Variants in REM2 observed in about 807,000 individuals in gnomAD.
The protein encoded by REM2 is RRAD and GEM like GTPase 2.
A neutral mutation model predicts 24.4 loss-of-function variants in REM2; 24 were observed. That is an observed-to-expected ratio of 0.98 (90% CI 0.71 to 1.38). The LOEUF is 1.38. Among genes scored for constraint, REM2 ranks in the 40% most tolerant of loss-of-function variants. The pLI is 0.00. For missense variants in REM2, 429 were observed against 467.8 expected (o/e 0.92, Z 0.77); for synonymous variants, 187 against 198.0 (o/e 0.94, Z 0.47).
At position 22,884,692 on chromosome 14, in the gene REM2, T is replaced by A. The variant is rs1405468374; in HGVS notation, c.122T>A (p.Leu41Gln). The A allele has an allele frequency of 3.7e-6, 6 of 1,608,080 alleles. No homozygotes were observed. The highest frequency in any genetic ancestry group is 5.1e-6 in the Non-Finnish European group (6 of 1,177,402). Residue 41 changes from leucine to glutamine, a missense_variant, in exon 2 of 5, where the codon CTA (leucine) becomes CAA (glutamine). Coordinates refer to ENST00000267396, the MANE Select transcript of REM2 (RefSeq NM_173527.3). ...TPTPEADATL[L>Q]KKSEKLLAEL... The stretch of plus-strand genomic sequence containing the variant: ...ATTTTAGAAGCAGATGCCACGCTAC[T>A]AAAGAAGTCAGAGAAACTGTTGGCA...
chr14:22,886,649 C>A lies in REM2; in HGVS notation c.763C>A (p.His255Asn), dbSNP rs1378056511. The A allele has an allele frequency of 1.4e-6, 2 of 1,460,616 alleles. No homozygotes were observed. The highest frequency in any genetic ancestry group is 2.9e-5 in the South Asian group (2 of 69,332). 90.5% of individuals were successfully genotyped at this position (1,460,616 alleles called of 1,614,324 possible). The change falls in exon 5 of 5, where the codon CAC (histidine) becomes AAC (asparagine). Residue 255 changes from histidine to asparagine, a missense_variant. Transcript: ENST00000267396. This position sits in a 1 kb window ranked among gnomAD's most constrained non-coding sequence, Gnocchi z 5.9. ...CCTGGCCGGGACGCTGAGCTGCAAG[C>A]ACATCGAGACGTCGGCCGCACTGCA... ...RHLAGTLSCKHIETSAALHHN... is the reference protein window; with the variant it reads ...RHLAGTLSCKNIETSAALHHN...
Position 22,886,546 on chromosome 14 carries a change from C to A in REM2, c.728-68C>A. 7.2e-7 allele frequency: 1 copy of A among 1,393,502 alleles called. No homozygotes were observed. The highest frequency in any genetic ancestry group is 9.5e-7 in the Non-Finnish European group (1 of 1,056,622). The allele number at this position is 1,393,502 out of a possible 1,614,324, so 86.3% of individuals were successfully genotyped here. A position where few individuals can be genotyped will look rare whatever the true frequency, so the allele number is the denominator to read the frequency against. On this transcript the variant is annotated intron_variant, in intron 4 of 4. Coordinates refer to ENST00000267396, the MANE Select transcript of REM2 (RefSeq NM_173527.3). The surrounding 1 kb of genome is among the most constrained non-coding windows in gnomAD (Gnocchi z 5.9). ...CCTTGCCACCGCACGCCCAGGCCCTCCCTAGACCCACCCTCGCCCCGGGTC... is the reference window on the plus strand; with the variant it reads ...CCTTGCCACCGCACGCCCAGGCCCTACCTAGACCCACCCTCGCCCCGGGTC...
At position 22,885,338 on chromosome 14, in the gene REM2, AGGTGAGAACTAAGATGT is replaced by A; in HGVS notation, c.519+2_519+18del. ...CTAGTCGTTTATGACATCTGGGAAC[AGGTGAGAACTAAGATGT>A]GGCTGCAGGCAGGTGATGAAGCTGG... On this transcript the variant is annotated splice_donor_variant and splice_donor_5th_base_variant and coding_sequence_variant and intron_variant, in exon 3 of 5. Transcript: ENST00000267396. LOFTEE classifies it high-confidence loss of function. 10 of 1,610,740 alleles carry A rather than the reference AGGTGAGAACTAAGATGT, an allele frequency of 6.2e-6. No individual in the cohort carries two copies. The highest frequency in any genetic ancestry group is 7.6e-6 in the Non-Finnish European group (9 of 1,176,904).
intron 2 of REM2, 40 bp downstream of exon 2, chr14:22,885,055 G>C (rs780174071): frequency 1.3e-6 from 2 of 1,514,806 alleles, no homozygotes; most frequent in Non-Finnish European, 1.8e-6. Flanking sequence ...GGGGCTCTGG[G>C]GCCCTGGTCA....
chr14:22,884,015 A>G (rs778008432), intron 1 of REM2: 5 of 984,866 alleles, frequency 5.1e-6, no homozygotes, highest in Non-Finnish European at 6.0e-6. Context: ...CTCACATCCA[A>G]CCACGCAATG....
rs769826661 is a variant in REM2, at chr14:22,885,283, C to T, written c.463C>T (p.Arg155Cys). ...CCCAGCAGAGGATACCTATGAGAGA[C>T]GCATCATGGTGGATAAGGAGGAAGT... ...PENPEDTYER[R>C]IMVDKEEVTL... is the part of the protein sequence containing the mutation. Residue 155 changes from arginine to cysteine, a missense_variant, in exon 3 of 5, where the codon CGC becomes TGC. By Grantham distance (180) the Arg-to-Cys change is radical. Coordinates refer to ENST00000267396, the MANE Select transcript of REM2 (RefSeq NM_173527.3). The T allele has an allele frequency of 1.4e-5, 23 of 1,613,324 alleles. No homozygotes were observed. Among genetic ancestry groups the T allele is most frequent in the African/African-American group, 2.7e-5 (2 of 74,864 alleles).
chr14:22,886,288 A>T lies in REM2; in HGVS notation c.727+57A>T. ...ATCTCAGGGGAATGCTCTCCCTTCCAAGTCACCTCTTCTCCCTAAGGCCTT... is the reference window on the plus strand; with the variant it reads ...ATCTCAGGGGAATGCTCTCCCTTCCTAGTCACCTCTTCTCCCTAAGGCCTT... On this transcript the variant is annotated intron_variant, in intron 4 of 4. Transcript: ENST00000267396. The surrounding 1 kb of genome is among the most constrained non-coding windows in gnomAD (Gnocchi z 5.9). 6.8e-7 allele frequency: 1 copy of T among 1,472,548 alleles called. No individual in the cohort carries two copies. Among genetic ancestry groups the T allele is most frequent in the Non-Finnish European group, 9.3e-7 (1 of 1,071,814 alleles). 91.2% of individuals were successfully genotyped at this position (1,472,548 alleles called of 1,614,324 possible).
Position 22,886,966 on chromosome 14 carries a change from C to G in REM2, c.*57C>G, listed in dbSNP as rs955060798. The stretch of plus-strand genomic sequence containing the variant: ...TGGTCACCGCGCCCTCCGCTCGCCC[C>G]CCCTCGCCCCGCCCCGCCCCCGTCC... On this transcript the variant is annotated 3_prime_UTR_variant, in exon 5 of 5. Transcript: ENST00000267396. The surrounding 1 kb of genome is among the most constrained non-coding windows in gnomAD (Gnocchi z 5.9). 1 of 1,308,808 alleles carries G rather than the reference C, an allele frequency of 7.6e-7. No homozygotes were observed. Among genetic ancestry groups the G allele is most frequent in the Non-Finnish European group, 1.0e-6 (1 of 998,948 alleles). The allele number at this position is 1,308,808 out of a possible 1,614,324, so 81.1% of individuals were successfully genotyped here.
Position 22,886,383 on chromosome 14 carries a change from A to G in REM2, c.727+152A>G. The G allele has an allele frequency of 3.8e-6, 3 of 780,308 alleles. No individual in the cohort carries two copies. The South Asian group carries it at 5.1e-5, about 13-fold the overall frequency. The allele number at this position is 780,308 out of a possible 1,614,324, so 48.3% of individuals were successfully genotyped here. On this transcript the variant is annotated intron_variant, in intron 4 of 4. Transcript: ENST00000267396. The surrounding 1 kb of genome is among the most constrained non-coding windows in gnomAD (Gnocchi z 5.9). The stretch of plus-strand genomic sequence containing the variant: ...GGGGACACTCCCAATGCCCCACTCG[A>G]GGATCCTGAGAATCCCTTCTTGTCA...
chr14:22,885,311 C>T lies in REM2; in HGVS notation c.491C>T (p.Thr164Ile). The T allele has an allele frequency of 6.2e-7, 1 of 1,613,620 alleles. No individual in the cohort carries two copies. ...RRIMVDKEEVTLVVYDIWEQG... is the reference protein window; with the variant it reads ...RRIMVDKEEVILVVYDIWEQG... ...ATCATGGTGGATAAGGAGGAAGTGACTCTAGTCGTTTATGACATCTGGGAA... is the reference window on the plus strand; with the variant it reads ...ATCATGGTGGATAAGGAGGAAGTGATTCTAGTCGTTTATGACATCTGGGAA... Residue 164 changes from threonine (T) to isoleucine (I), a missense_variant, in exon 3 of 5, where the codon ACT becomes ATT. Physicochemically the swap from Thr to Ile is moderately conservative, Grantham distance 89. Coordinates refer to ENST00000267396, the MANE Select transcript of REM2 (RefSeq NM_173527.3).
chr14:22,886,706 G>C lies in REM2; in HGVS notation c.820G>C (p.Val274Leu). The change falls in exon 5 of 5, where the codon GTG becomes CTG. Residue 274 changes from valine to leucine, a missense_variant. Val to Leu is a conservative substitution (Grantham distance 32). Coordinates refer to ENST00000267396, the MANE Select transcript of REM2 (RefSeq NM_173527.3). This position sits in a 1 kb window ranked among gnomAD's most constrained non-coding sequence, Gnocchi z 5.9. ...HNTRELFEGA[V>L]RQIRLRRGRN... The stretch of plus-strand genomic sequence containing the variant: ...CACGAGGGAGCTCTTCGAGGGCGCG[G>C]TGCGCCAGATCCGGCTGCGGCGGGG... 1 of 1,508,260 alleles carries C rather than the reference G, an allele frequency of 6.6e-7. No homozygotes were observed. The highest frequency in any genetic ancestry group is 1.4e-5 in the African/African-American group (1 of 70,570). The allele number at this position is 1,508,260 out of a possible 1,614,324, so 93.4% of individuals were successfully genotyped here.
chr14:22,883,626 A>G (rs1161957101), intron 1 of REM2, among the ~76,000 whole-genome samples: 2 of 152,102 alleles, frequency 1.3e-5, no homozygotes, highest in Admixed American at 1.3e-4. Context: ...TTTGCTTGAG[A>G]AACTGGTACA....
chr14:22,886,693 CTTCGA>C lies in REM2; in HGVS notation c.808_812del (p.Phe270GlyfsTer106). 1 of 1,503,436 alleles carries C rather than the reference CTTCGA, an allele frequency of 6.7e-7. No homozygotes were observed. Among genetic ancestry groups the C allele is most frequent in the South Asian group, 1.3e-5 (1 of 77,604 alleles). 93.1% of individuals were successfully genotyped at this position (1,503,436 alleles called of 1,614,324 possible). A position where few individuals can be genotyped will look rare whatever the true frequency, so the allele number is the denominator to read the frequency against. On this transcript the variant is annotated frameshift_variant, in exon 5 of 5. Transcript: ENST00000267396. LOFTEE classifies it low-confidence loss of function (END_TRUNC). This position sits in a 1 kb window ranked among gnomAD's most constrained non-coding sequence, Gnocchi z 5.9. ...CACTGCACCACAACACGAGGGAGCT[CTTCGA>C]GGGCGCGGTGCGCCAGATCCGGCTG...
Position 22,886,147 on chromosome 14 carries a change from G to C in REM2, c.643G>C (p.Ala215Pro), listed in dbSNP as rs376686140. The C allele has an allele frequency of 6.8e-6, 11 of 1,613,968 alleles. No individual in the cohort carries two copies. The highest frequency in any genetic ancestry group is 8.5e-6 in the Non-Finnish European group (10 of 1,179,876). Residue 215 changes from alanine (A) to proline (P), a missense_variant, in exon 4 of 5, where the codon GCT becomes CCT. Ala to Pro is a conservative substitution (Grantham distance 27). Transcript: ENST00000267396. The surrounding 1 kb of genome is among the most constrained non-coding windows in gnomAD (Gnocchi z 5.9). ...TCCAGAGACCCTACTTCGGCTCCGG[G>C]CTGGGAGGCCGCACCACGACCTACC... ...KVPETLLRLR[A>P]GRPHHDLPVI... is the part of the protein sequence containing the mutation.
At position 22,886,373 on chromosome 14, in the gene REM2, GC is replaced by G. The variant is rs1308048183; in HGVS notation, c.727+146del. On this transcript the variant is annotated intron_variant, in intron 4 of 4. Coordinates refer to ENST00000267396, the MANE Select transcript of REM2 (RefSeq NM_173527.3). The surrounding 1 kb of genome is among the most constrained non-coding windows in gnomAD (Gnocchi z 5.9). ...CCCAGGCTAGGGGGACACTCCCAAT[GC>G]CCCACTCGAGGATCCTGAGAATCCC... is the stretch of plus-strand genomic sequence containing the variant. The G allele has an allele frequency of 4.2e-5, 34 of 809,614 alleles. No homozygotes were observed. The Admixed American group carries it at 7.6e-4, about 18-fold the overall frequency. 50.2% of individuals were successfully genotyped at this position (809,614 alleles called of 1,614,324 possible).
chr14:22,883,517 G>C lies in REM2; in HGVS notation c.103+127G>C. 3 of 816,796 alleles carry C rather than the reference G, an allele frequency of 3.7e-6. No homozygotes were observed. The South Asian group carries it at 4.8e-5, about 13-fold the overall frequency. 50.6% of individuals were successfully genotyped at this position (816,796 alleles called of 1,614,324 possible). ...TCAGCAAGAGGAGAAGAGCAATTGA[G>C]AAAGTGGAGAAGACCCCTGCTCACA... On this transcript the variant is annotated intron_variant, in intron 1 of 4. Transcript: ENST00000267396.
chr14:22,887,071 C>T lies in REM2; in HGVS notation c.*162C>T, dbSNP rs2040138201. On this transcript the variant is annotated 3_prime_UTR_variant, in exon 5 of 5. Transcript: ENST00000267396. ...GTGACCGCCGGGGGCGGCCCGGGGCCGCTCGGCGGCACCTCCACACCCGCC... is the reference window on the plus strand; with the variant it reads ...GTGACCGCCGGGGGCGGCCCGGGGCTGCTCGGCGGCACCTCCACACCCGCC... 3.7e-6 allele frequency: 2 copies of T among 539,846 alleles called. No individual in the cohort carries two copies. Among genetic ancestry groups the T allele is most frequent in the Non-Finnish European group, 6.0e-6 (2 of 332,030 alleles). 33.4% of individuals were successfully genotyped at this position (539,846 alleles called of 1,614,324 possible). A position where few individuals can be genotyped will look rare whatever the true frequency, so the allele number is the denominator to read the frequency against.
chr14:22,883,899 TCACACA>T (rs35170959), intron 1 of REM2, among the ~76,000 whole-genome samples: 2 of 147,460 alleles, frequency 1.4e-5, no homozygotes, highest in South Asian at 2.2e-4. Context: ...TCCCTTTCGC[TCACACA>T]CACACACACA....
chr14:22,884,944 T>C lies in REM2; in HGVS notation c.374T>C (p.Val125Ala). ...FKVMLVGESG[V>A]GKSTLAGTFG... Reference sequence around the variant, plus strand: ...GTCATGCTAGTGGGGGAGAGCGGCGTGGGCAAGAGCACCCTAGCAGGCACT... The same window carrying C: ...GTCATGCTAGTGGGGGAGAGCGGCGCGGGCAAGAGCACCCTAGCAGGCACT... Residue 125 changes from valine (V) to alanine (A), a missense_variant, in exon 2 of 5, where the codon GTG (valine) becomes GCG (alanine). Coordinates refer to ENST00000267396, the MANE Select transcript of REM2 (RefSeq NM_173527.3). 2 of 1,597,958 alleles carry C rather than the reference T, an allele frequency of 1.3e-6. No homozygotes were observed. Among genetic ancestry groups the C allele is most frequent in the Non-Finnish European group, 1.7e-6 (2 of 1,169,218 alleles).
Sources: gnomAD v4.1 joint callset for allele counts (sites outside exome capture counted in the v4.1 genomes callset) on GRCh38, gnomAD v4.1.1 for gene constraint, Gnocchi (gnomAD v3.1) non-coding constraint, MANE v1.5 for transcripts, NCBI Gene and HGNC (gene_info 2026-07-23, HGNC 2026-07-21) for gene names.